The following JAG1 variants were observed in gnomAD, a reference collection of about 807,000 sequenced individuals.
The protein encoded by JAG1 is protein jagged-1.
In JAG1, 23 loss-of-function variants were observed where a neutral mutation model predicts 148.7. The observed-to-expected ratio is 0.15, with a 90% CI of 0.11 to 0.22. The LOEUF is 0.22. Ranked by LOEUF, JAG1 falls within the 10% of genes least tolerant of loss-of-function variation. JAG1 has a pLI of 1.00. For missense variants in JAG1, 1,054 were observed against 1,611.2 expected (o/e 0.65, Z 5.92); for synonymous variants, 572 against 598.3 (o/e 0.96, Z 0.64).
intron 5 of JAG1, among the ~76,000 whole-genome samples, chr20:10,655,951 AG>A (rs2067375992): frequency 6.6e-6 from 1 of 152,130 alleles, no homozygotes; most frequent in South Asian, 2.1e-4. Flanking sequence ...CCGCCTGCAA[AG>A]GGGCCAGGAG....
rs745801743 is a variant in JAG1, at chr20:10,641,604, C to A, written c.2772G>T (p.Gln924His). The A allele has an allele frequency of 1.2e-6, 2 of 1,613,998 alleles. No homozygotes were observed. Among genetic ancestry groups the A allele is most frequent in the South Asian group, 2.2e-5 (2 of 91,090 alleles). The change falls in exon 23 of 26, where the codon CAG becomes CAT. Residue 924 changes from glutamine to histidine, a missense_variant. Transcript: ENST00000254958. ...GQSCIPILDD[Q>H]CFVHPCTGVG... ...CACCAGTGCAGGGGTGGACGAAGCACTGGTCGTCCAGGATGGGGATGCAGC... is the reference window on the plus strand; with the variant it reads ...CACCAGTGCAGGGGTGGACGAAGCAATGGTCGTCCAGGATGGGGATGCAGC...
In JAG1 at chr20:10,641,443, CAA is replaced by C; in HGVS notation, c.2916+15_2916+16del. 4 of 1,549,592 alleles carry C rather than the reference CAA, an allele frequency of 2.6e-6. No homozygotes were observed. The highest frequency in any genetic ancestry group is 3.6e-6 in the Non-Finnish European group (4 of 1,123,098). On this transcript the variant is annotated intron_variant, in intron 23 of 25. Coordinates refer to ENST00000254958, the MANE Select transcript of JAG1 (RefSeq NM_000214.3). ...AGACATCCACCATTCAAAAAAAAAA[CAA>C]AGGTTGTTACATACTGGTGACATCA...
rs747656701 is a variant in JAG1, at chr20:10,644,841, T to C, written c.2344+22A>G. On this transcript the variant is annotated intron_variant, in intron 18 of 25. Coordinates refer to ENST00000254958, the MANE Select transcript of JAG1 (RefSeq NM_000214.3). The stretch of plus-strand genomic sequence containing the variant: ...ATCTGCTCCGACAGCCCTGGGAGAG[T>C]TCAAGGGGGGAGGACACTCACTCTG... 81 of 1,555,732 alleles carry C rather than the reference T, an allele frequency of 5.2e-5. 2 individuals are homozygous for C. In the Admixed American group the frequency reaches 1.3e-3, roughly 25 times the overall value.
In JAG1 at chr20:10,650,914, G is replaced by A. The variant is rs116179845; in HGVS notation, c.1121-554C>T. ...CTACTGTGCCATTTAAAGAGGGCCC[G>A]GGGAGCTTCTGTGGCCTGCTGGAGT... On this transcript the variant is annotated intron_variant, in intron 8 of 25. Transcript: ENST00000254958. The A allele has an allele frequency of 7.3e-3, 1,191 of 162,986 alleles. 12 individuals carry two copies. Among genetic ancestry groups the A allele is most frequent in the African/African-American group, 0.027 (1,122 of 41,642 alleles). 10.1% of individuals were successfully genotyped at this position (162,986 alleles called of 1,614,324 possible). A position where few individuals can be genotyped will look rare whatever the true frequency, so the allele number is the denominator to read the frequency against.
In JAG1 at chr20:10,644,490, T is replaced by C. The variant is rs1311127769; in HGVS notation, c.2345-106A>G. On this transcript the variant is annotated intron_variant, in intron 18 of 25. Transcript: ENST00000254958. ...TCCTAATACCCAAATGATAAAGTCG[T>C]AGTTAACACCAGCAAAATACCTTTG... The C allele has an allele frequency of 7.9e-6, 7 of 884,822 alleles. No individual in the cohort carries two copies. In the East Asian group the frequency reaches 1.0e-4, roughly 13 times the overall value. The allele number at this position is 884,822 out of a possible 1,614,324, so 54.8% of individuals were successfully genotyped here. A position where few individuals can be genotyped will look rare whatever the true frequency, so the allele number is the denominator to read the frequency against.
At chr20:10,658,017 A>G (rs1341877617) in intron 4 of JAG1, among the ~76,000 whole-genome samples, 2 of 152,214 alleles carry the variant, frequency 1.3e-5, no homozygotes, top group African/African-American at 4.8e-5. Flanking sequence ...AGGGAAGCAG[A>G]TGGGGTAGGG....
In JAG1 at chr20:10,673,260, G is replaced by A. The variant is rs951537848; in HGVS notation, c.81+190C>T. ...ACGCGCCCCTGTCCGGCCTGGAGGG[G>A]TCACCCTCAGGAGGCAGGGGCTCCC... On this transcript the variant is annotated intron_variant, in intron 1 of 25. Coordinates refer to ENST00000254958, the MANE Select transcript of JAG1 (RefSeq NM_000214.3). The surrounding 1 kb of genome is among the most constrained non-coding windows in gnomAD (Gnocchi z 4.7). Among the ~76,000 whole-genome samples, 3 of 152,194 alleles carry A rather than the reference G, an allele frequency of 2.0e-5. No homozygotes were observed. The highest frequency in any genetic ancestry group is 3.9e-4 in the East Asian group (2 of 5,188).
At chr20:10,652,082 A>G in intron 7 of JAG1, 49 bp downstream of exon 7, 1 of 1,607,348 alleles carries the variant, frequency 6.2e-7, no homozygotes, top group Non-Finnish European at 8.5e-7. Context: ...TTAAAAGCTG[A>G]GTACAGAAAA....
intron 2 of JAG1, 108 bp downstream of exon 2, chr20:10,672,593 C>T: frequency 8.9e-7 from 1 of 1,122,108 alleles, no homozygotes. Context: ...CCAGTTAGCG[C>T]CTAGTTTCAA....
chr20:10,668,043 T>C (rs766622467), intron 2 of JAG1, among the ~76,000 whole-genome samples: 18 of 147,486 alleles, frequency 1.2e-4, no homozygotes, highest in Non-Finnish European at 1.9e-4. Flanking sequence ...CCTTGCGGAA[T>C]TTCTTCCCAG....
chr20:10,656,596 G>T, intron 4 of JAG1, 138 bp from the exon 5 acceptor site: 1 of 713,522 alleles, frequency 1.4e-6, no homozygotes. Flanking sequence ...TGTAAGGAGA[G>T]GAAGATGGGA....
intron 2 of JAG1, among the ~76,000 whole-genome samples, chr20:10,672,261 G>A (rs1871588962): frequency 6.6e-6 from 1 of 152,234 alleles, no homozygotes; most frequent in Admixed American, 6.5e-5. Flanking sequence ...CCGTTCACGG[G>A]AAAGGGGAGG....
chr20:10,643,233 T>C (rs1280018035), intron 20 of JAG1, among the ~76,000 whole-genome samples: 1 of 152,242 alleles, frequency 6.6e-6, no homozygotes, highest in African/African-American at 2.4e-5. Context: ...AGCACCTTTT[T>C]TGTTCTGTAA....
At chr20:10,666,924 C>T (rs1248392796) in intron 2 of JAG1, among the ~76,000 whole-genome samples, 1 of 152,218 alleles carries the variant, frequency 6.6e-6, no homozygotes, top group African/African-American at 2.4e-5. Context: ...GCACCTCCTC[C>T]CGCCCTCCAC....
chr20:10,648,750 C>G, intron 11 of JAG1, 28 bp from the exon 12 acceptor site: 3 of 1,607,812 alleles, frequency 1.9e-6, no homozygotes, highest in Non-Finnish European at 2.6e-6. Flanking sequence ...GAGAGAGAGA[C>G]ACATGCTTTT....
chr20:10,673,073 G>T lies in JAG1; in HGVS notation c.82-67C>A. 1 of 1,476,954 alleles carries T rather than the reference G, an allele frequency of 6.8e-7. No homozygotes were observed. Among genetic ancestry groups the T allele is most frequent in the Non-Finnish European group, 9.3e-7 (1 of 1,074,684 alleles). 91.5% of individuals were successfully genotyped at this position (1,476,954 alleles called of 1,614,324 possible). On this transcript the variant is annotated intron_variant, in intron 1 of 25. Transcript: ENST00000254958. The surrounding 1 kb of genome is among the most constrained non-coding windows in gnomAD (Gnocchi z 4.7). ...TGTTTTCTTCGAGTATAGAGGTGGC[G>T]ACTCCCTCCCACTCCCCGCCCCGAC...
chr20:10,661,340 G>A (rs1274913078), intron 3 of JAG1, among the ~76,000 whole-genome samples: 1 of 152,174 alleles, frequency 6.6e-6, no homozygotes, highest in East Asian at 1.9e-4. Flanking sequence ...GTCCCACAGG[G>A]CAGCCAACTC....
At chr20:10,666,592 C>A (rs573265655) in intron 2 of JAG1, among the ~76,000 whole-genome samples, 1 of 152,318 alleles carries the variant, frequency 6.6e-6, no homozygotes, top group African/African-American at 2.4e-5. Flanking sequence ...TAAGACTCTG[C>A]CGAAGAGTCA....
chr20:10,640,167 A>T (rs1055395913), intron 25 of JAG1, among the ~76,000 whole-genome samples: 2 of 152,228 alleles, frequency 1.3e-5, no homozygotes, highest in African/African-American at 2.4e-5. Context: ...TGATACTCTT[A>T]TCCCTGGAGA....
Sources: allele counts gnomAD v4.1 joint callset (sites outside exome capture counted in the v4.1 genomes callset), GRCh38; gene constraint gnomAD v4.1.1; non-coding constraint Gnocchi (gnomAD v3.1); transcripts MANE v1.5; gene names NCBI Gene and HGNC (gene_info 2026-07-23, HGNC 2026-07-21).